HIP1: variants seen among roughly 807,000 people sequenced by gnomAD.
HIP1 encodes huntingtin interacting protein 1.
HIP1 carries 65 observed loss-of-function variants against 147.6 expected under a neutral mutation model. The ratio of observed to expected loss-of-function variants is 0.44; its 90% CI spans 0.36 to 0.54. The LOEUF is 0.54. Ranked by LOEUF, HIP1 falls within the 20% of genes least tolerant of loss-of-function variation. The probability of loss-of-function intolerance (pLI) is 0.00; values close to 1 mark genes in which losing one functional copy is unlikely to be tolerated. For missense variants in HIP1, 1,061 were observed against 1,299.6 expected (o/e 0.82, Z 2.82); for synonymous variants, 479 against 504.0 (o/e 0.95, Z 0.67).
intron 1 of HIP1, among the ~76,000 whole-genome samples, chr7:75,633,376 T>G (rs1403609416): frequency 1.3e-5 from 2 of 152,152 alleles, no homozygotes; most frequent in South Asian, 4.1e-4. Context: ...TACTGCAACC[T>G]CTGCTTCCCG....
chr7:75,555,702 T>C, intron 18 of HIP1, 151 bp from the exon 19 acceptor site: 1 of 865,880 alleles, frequency 1.2e-6, no homozygotes, highest in Non-Finnish European at 1.8e-6. Flanking sequence ...GCGCTTTAAC[T>C]GTGTGCACAG....
chr7:75,555,601 C>T, intron 18 of HIP1, 50 bp from the exon 19 acceptor site: 1 of 1,607,450 alleles, frequency 6.2e-7, no homozygotes, highest in South Asian at 1.1e-5. Context: ...CCATAATGAA[C>T]CTGAGCAGGA....
chr7:75,605,818 G>C, intron 1 of HIP1, among the ~76,000 whole-genome samples: 1 of 152,106 alleles, frequency 6.6e-6, no homozygotes, highest in Non-Finnish European at 1.5e-5. Context: ...AGAGGCGTGA[G>C]CTACCGCGCC....
intron 1 of HIP1, among the ~76,000 whole-genome samples, chr7:75,669,315 G>A (rs1230984834): frequency 6.6e-6 from 1 of 152,206 alleles, no homozygotes. Context: ...GGAGCTGGCA[G>A]TCAGCCAAGA....
intron 1 of HIP1, among the ~76,000 whole-genome samples, chr7:75,658,731 G>A (rs1426560631): frequency 6.6e-6 from 1 of 151,880 alleles, no homozygotes; most frequent in African/African-American, 2.4e-5. Flanking sequence ...GCCTGGCAAC[G>A]CGGCAAAACC....
chr7:75,592,777 T>C (rs782749437), intron 2 of HIP1, among the ~76,000 whole-genome samples: 2 of 151,984 alleles, frequency 1.3e-5, no homozygotes, highest in African/African-American at 4.8e-5. Flanking sequence ...CTTCTGGGAG[T>C]TTTAGGGCAG....
intron 16 of HIP1, among the ~76,000 whole-genome samples, chr7:75,557,425 C>T (rs1795056906): frequency 6.6e-6 from 1 of 152,186 alleles, no homozygotes; most frequent in South Asian, 2.1e-4. Flanking sequence ...CCAGCCTCAT[C>T]CTTGGAAAGC....
At chr7:75,594,572 A>C (rs1216771960) in intron 2 of HIP1, among the ~76,000 whole-genome samples, 1 of 151,926 alleles carries the variant, frequency 6.6e-6, no homozygotes, top group Non-Finnish European at 1.5e-5. Flanking sequence ...TCAGGAGATC[A>C]AGACCAGCCT....
chr7:75,728,971 G>A (rs1801740927), intron 1 of HIP1, among the ~76,000 whole-genome samples: 1 of 151,026 alleles, frequency 6.6e-6, no homozygotes, highest in Non-Finnish European at 1.5e-5. Context: ...CTACCTATGG[G>A]GTACTATGCT....
rs1794162578 is a variant in HIP1 at position 75,538,302 on chromosome 7, T to C, written c.3062-78A>G. The C allele has an allele frequency of 8.5e-6, 9 of 1,062,492 alleles. No homozygotes were observed. The East Asian group carries it at 1.7e-4, about 20-fold the overall frequency. 65.8% of individuals were successfully genotyped at this position (1,062,492 alleles called of 1,614,324 possible). A position where few individuals can be genotyped will look rare whatever the true frequency, so the allele number is the denominator to read the frequency against. On this transcript the variant is annotated intron_variant, in intron 30 of 30. Coordinates refer to ENST00000336926, the MANE Select transcript of HIP1 (RefSeq NM_005338.7). ...ACTTAACCAACAAAACCTGCCACCA[T>C]GGGGGCTCAAAAATACATTATAATT...
At chr7:75,565,497 T>C (rs1554495348) in intron 9 of HIP1, among the ~76,000 whole-genome samples, 1 of 152,164 alleles carries the variant, frequency 6.6e-6, no homozygotes, top group Non-Finnish European at 1.5e-5. Context: ...GGAACAGGGG[T>C]ACCAGGAGGT....
At position 75,623,240 on chromosome 7, in the gene HIP1, C is replaced by A. The variant is rs587704992; in HGVS notation, c.121-23993G>T. 2.7e-4 allele frequency among the ~76,000 whole-genome samples: 41 copies of A among 150,730 alleles called. 1 individual carries two copies. The highest frequency in any genetic ancestry group is 9.7e-4 in the African/African-American group (40 of 41,048). On this transcript the variant is annotated intron_variant, in intron 1 of 30. Coordinates refer to ENST00000336926, the MANE Select transcript of HIP1 (RefSeq NM_005338.7). Reference sequence around the variant, plus strand: ...AAAAAAAAAAAAAAAGGCTCTCCCCCTCTGATGGTAGGTCGAGGAGAGAAA... The same window carrying A: ...AAAAAAAAAAAAAAAGGCTCTCCCCATCTGATGGTAGGTCGAGGAGAGAAA...
At chr7:75,559,325 G>A (rs587759097) in intron 14 of HIP1, among the ~76,000 whole-genome samples, 7 of 152,052 alleles carry the variant, frequency 4.6e-5, no homozygotes, top group African/African-American at 1.4e-4. Context: ...TATGTTGCCC[G>A]GGTTGGTCTT....
chr7:75,556,462 A>G (rs1172120529), intron 17 of HIP1, among the ~76,000 whole-genome samples: 1 of 152,102 alleles, frequency 6.6e-6, no homozygotes, highest in Non-Finnish European at 1.5e-5. Flanking sequence ...TGGGAGGATC[A>G]CTTGAGCCCT....
At chr7:75,660,631 T>C (rs1799282017) in intron 1 of HIP1, among the ~76,000 whole-genome samples, 1 of 152,086 alleles carries the variant, frequency 6.6e-6, no homozygotes, top group African/African-American at 2.4e-5. Flanking sequence ...ATGCAACCGG[T>C]AGACAGGATC....
chr7:75,696,725 G>A (rs1375489651), intron 1 of HIP1, among the ~76,000 whole-genome samples: 3 of 150,272 alleles, frequency 2.0e-5, no homozygotes, highest in Admixed American at 1.3e-4. Flanking sequence ...CTCAACCTCC[G>A]AGTGGCTGGA....
Position 75,568,746 on chromosome 7 carries a change from C to A in HIP1, c.746-490G>T, listed in dbSNP as rs781808815. Among the ~76,000 whole-genome samples the A allele has an allele frequency of 6.6e-6, 1 of 152,138 alleles. No individual in the cohort carries two copies. Among genetic ancestry groups the A allele is most frequent in the Admixed American group, 6.6e-5 (1 of 15,254 alleles). ...ATTGAAGGCCAGGTGCAGTGGCTCACGCATGTAATCCCAGCACTTTGGGAG... is the reference window on the plus strand; with the variant it reads ...ATTGAAGGCCAGGTGCAGTGGCTCAAGCATGTAATCCCAGCACTTTGGGAG... On this transcript the variant is annotated intron_variant, in intron 8 of 30. Transcript: ENST00000336926. This position sits in a 1 kb window ranked among gnomAD's most constrained non-coding sequence, Gnocchi z 4.1.
chr7:75,576,827 A>C (rs66757770), intron 7 of HIP1, among the ~76,000 whole-genome samples: 9 of 152,154 alleles, frequency 5.9e-5, no homozygotes, highest in Non-Finnish European at 1.3e-4. Flanking sequence ...ATCACCCACA[A>C]TAGTGCTATC....
chr7:75,675,418 C>T (rs1468066817), intron 1 of HIP1, among the ~76,000 whole-genome samples: 1 of 152,090 alleles, frequency 6.6e-6, no homozygotes, highest in Non-Finnish European at 1.5e-5. Flanking sequence ...CCAGGCTGGT[C>T]TCAAACTCCT....
Sources: allele counts gnomAD v4.1 joint callset (sites outside exome capture counted in the v4.1 genomes callset), GRCh38; gene constraint gnomAD v4.1.1; non-coding constraint Gnocchi (gnomAD v3.1); transcripts MANE v1.5; gene names NCBI Gene and HGNC (gene_info 2026-07-23, HGNC 2026-07-21).